Variants in PTPRE observed in about 807,000 individuals in gnomAD.
The protein encoded by PTPRE is protein tyrosine phosphatase receptor type E.
PTPRE carries 51 observed loss-of-function variants against 102.0 expected under a neutral mutation model. The observed-to-expected ratio is 0.50, with a 90% CI of 0.40 to 0.63. The LOEUF (loss-of-function observed/expected upper bound fraction) is 0.63. Ranked by LOEUF, PTPRE falls within the 30% of genes least tolerant of loss-of-function variation. The probability of loss-of-function intolerance (pLI) is 0.00; values close to 1 mark genes in which losing one functional copy is unlikely to be tolerated. For missense variants in PTPRE, 752 were observed against 915.1 expected (o/e 0.82, Z 2.30); for synonymous variants, 345 against 348.2 (o/e 0.99, Z 0.10).
At chr10:127,922,056 G>A (rs748068508) in intron 1 of PTPRE, among the ~76,000 whole-genome samples, 2 of 152,218 alleles carry the variant, frequency 1.3e-5, no homozygotes, top group Non-Finnish European at 2.9e-5. Context: ...AATTCATGAA[G>A]TCCAATTTTA....
intron 1 of PTPRE, 78 bp from the exon 2 acceptor site, chr10:127,982,196 C>G: frequency 1.1e-6 from 1 of 945,764 alleles, no homozygotes; most frequent in Non-Finnish European, 1.4e-6. Flanking sequence ...TAGTGCTGTA[C>G]AGAAGGAAAT....
At chr10:127,952,122 G>A (rs138373120) in intron 1 of PTPRE, among the ~76,000 whole-genome samples, 2 of 152,236 alleles carry the variant, frequency 1.3e-5, no homozygotes, top group African/African-American at 4.8e-5. Context: ...TCTAGCCTAT[G>A]TCACAATTGT....
At chr10:127,991,605 A>G (rs1243876986) in intron 2 of PTPRE, among the ~76,000 whole-genome samples, 1 of 152,212 alleles carries the variant, frequency 6.6e-6, no homozygotes, top group Non-Finnish European at 1.5e-5. Context: ...AATATTTTCC[A>G]AAGTTGTGCA....
rs552065118 is a variant in PTPRE at position 128,068,303 on chromosome 10, A to G, written c.1007+17A>G. ...CCACTGTAGGTACGCTGTGGGGGCC[A>G]CGGGGCGGGACCCTCAAGGGCAGGC... On this transcript the variant is annotated intron_variant, in intron 12 of 20. Coordinates refer to ENST00000254667, the MANE Select transcript of PTPRE (RefSeq NM_006504.6). The G allele has an allele frequency of 2.5e-6, 4 of 1,601,336 alleles. No homozygotes were observed. Among genetic ancestry groups the G allele is most frequent in the Non-Finnish European group, 3.4e-6 (4 of 1,171,782 alleles).
chr10:127,986,871 G>A (rs72847308), intron 2 of PTPRE, among the ~76,000 whole-genome samples: 13,746 of 152,280 alleles, frequency 0.09, 867 homozygotes, highest in Non-Finnish European at 0.13. Context: ...GAGAAGCCTG[G>A]TGGGCAGAGC....
intron 2 of PTPRE, among the ~76,000 whole-genome samples, chr10:127,990,320 G>T (rs1203966652): frequency 1.3e-5 from 2 of 148,544 alleles, no homozygotes; most frequent in Non-Finnish European, 3.0e-5. Context: ...GCAGAGGCAG[G>T]AGAATCACTT....
rs376545186 is a variant in PTPRE at position 128,076,746 on chromosome 10, C to T, written c.1725+18C>T. ...TCAATCAGGTATTGTTGAAGTAGCT[C>T]TTTAAACGCTTGTGAATTTAGTGAA... On this transcript the variant is annotated intron_variant, in intron 18 of 20. Coordinates refer to ENST00000254667, the MANE Select transcript of PTPRE (RefSeq NM_006504.6). 1 of 1,609,270 alleles carries T rather than the reference C, an allele frequency of 6.2e-7. No individual in the cohort carries two copies. The highest frequency in any genetic ancestry group is 1.3e-5 in the African/African-American group (1 of 74,616).
At chr10:127,972,536 G>A (rs1037310878) in intron 1 of PTPRE, among the ~76,000 whole-genome samples, 8 of 152,242 alleles carry the variant, frequency 5.3e-5, no homozygotes, top group East Asian at 1.9e-4. Context: ...ACCCCACGGT[G>A]CGAAGAGCAG....
Position 128,070,988 on chromosome 10 carries a change from C to T in PTPRE, c.1387+87C>T, listed in dbSNP as rs758503406. The T allele has an allele frequency of 1.5e-6, 2 of 1,317,158 alleles. No individual in the cohort carries two copies. The highest frequency in any genetic ancestry group is 2.1e-6 in the Non-Finnish European group (2 of 930,562). 81.6% of individuals were successfully genotyped at this position (1,317,158 alleles called of 1,614,324 possible). ...TCCTGGAGAAGCCATTGACCGCTTA[C>T]CCCTGTGCACCAGGGTCAAAAGCAG... On this transcript the variant is annotated intron_variant, in intron 15 of 20. Transcript: ENST00000254667. The surrounding 1 kb of genome is among the most constrained non-coding windows in gnomAD (Gnocchi z 4.8).
At position 128,028,654 on chromosome 10, in the gene PTPRE, C is replaced by A. The variant is rs1846461021; in HGVS notation, c.-7-12221C>A. Reference sequence around the variant, plus strand: ...CCCCACCCCCTCAGGCACAGCTGAGCAGCCCGCCGGGGCCCAGGGTTCCTT... The same window carrying A: ...CCCCACCCCCTCAGGCACAGCTGAGAAGCCCGCCGGGGCCCAGGGTTCCTT... On this transcript the variant is annotated intron_variant, in intron 2 of 20. Transcript: ENST00000254667. This position sits in a 1 kb window ranked among gnomAD's most constrained non-coding sequence, Gnocchi z 4.5. Among the ~76,000 whole-genome samples the A allele has an allele frequency of 6.6e-6, 1 of 152,122 alleles. No individual in the cohort carries two copies. The highest frequency in any genetic ancestry group is 2.1e-4 in the South Asian group (1 of 4,824).
rs1590063227 is a variant in PTPRE, at chr10:128,028,736, G to A, written c.-7-12139G>A. Among the ~76,000 whole-genome samples the A allele has an allele frequency of 2.0e-5, 3 of 152,278 alleles. No individual in the cohort carries two copies. Among genetic ancestry groups the A allele is most frequent in the African/African-American group, 7.2e-5 (3 of 41,548 alleles). ...ACACGAAGCCAAGGCCAGGAGTCGG[G>A]ATCTGCTCCCAGGAAGAAGCCTCCA... On this transcript the variant is annotated intron_variant, in intron 2 of 20. Coordinates refer to ENST00000254667, the MANE Select transcript of PTPRE (RefSeq NM_006504.6). The surrounding 1 kb of genome is among the most constrained non-coding windows in gnomAD (Gnocchi z 4.5).
At chr10:128,053,758 T>G (rs1367814839) in intron 6 of PTPRE, among the ~76,000 whole-genome samples, 1 of 149,736 alleles carries the variant, frequency 6.7e-6, no homozygotes, top group Admixed American at 6.6e-5. Context: ...TTTAATTTAT[T>G]TATTTATTTA....
chr10:128,019,495 T>C (rs532126219), intron 2 of PTPRE, among the ~76,000 whole-genome samples: 3 of 152,306 alleles, frequency 2.0e-5, no homozygotes, highest in South Asian at 4.1e-4. Flanking sequence ...TAGGCTTTTC[T>C]TGTTTCTCTA....
chr10:127,963,256 A>G (rs56153771), intron 1 of PTPRE, among the ~76,000 whole-genome samples: 34,469 of 151,942 alleles, frequency 0.23, 5,277 homozygotes, highest in African/African-American at 0.44. Context: ...ACCAGCAGAA[A>G]CATCTGGCAT....
chr10:127,969,204 C>T (rs911109361), intron 1 of PTPRE, among the ~76,000 whole-genome samples: 7 of 152,340 alleles, frequency 4.6e-5, no homozygotes, highest in Non-Finnish European at 8.8e-5. Flanking sequence ...TTTCTTTCAC[C>T]GTCTCTTTTT....
intron 2 of PTPRE, among the ~76,000 whole-genome samples, chr10:127,993,100 A>G (rs1446053495): frequency 6.6e-6 from 1 of 152,158 alleles, no homozygotes; most frequent in Non-Finnish European, 1.5e-5. Context: ...TTGAGGAAAT[A>G]GACTCACTGA....
intron 1 of PTPRE, among the ~76,000 whole-genome samples, chr10:127,966,740 C>T (rs1850283415): frequency 6.6e-6 from 1 of 152,118 alleles, no homozygotes. Context: ...GCTCTGATGG[C>T]AAGAGGTGCA....
rs201593412 is a variant in PTPRE at position 128,079,638 on chromosome 10, T to C, written c.1971T>C (p.Asp657=). The change falls in exon 20 of 21, where the codon GAT becomes GAC. Residue 657 remains aspartate, a synonymous_variant. Transcript: ENST00000254667. ...GAGTAAAAGCCGAGGGACTTTTAGA[T>C]GTATTTCAAGCTGTGAAGAGTTTAC... The part of the protein sequence containing the change: ...LERVKAEGLL[D]VFQAVKSLRL... 1.0e-4 allele frequency: 165 copies of C among 1,614,084 alleles called. 1 individual carries two copies. Among genetic ancestry groups the C allele is most frequent in the South Asian group, 6.1e-4 (56 of 91,082 alleles).
chr10:128,082,269 A>C (rs945503916), intron 20 of PTPRE, among the ~76,000 whole-genome samples: 1 of 122,666 alleles, frequency 8.2e-6, no homozygotes, highest in Admixed American at 1.1e-4. Flanking sequence ...GCAGTGGTGC[A>C]GTGGCACAAT....
Sources: allele counts gnomAD v4.1 joint callset (sites outside exome capture counted in the v4.1 genomes callset), GRCh38; gene constraint gnomAD v4.1.1; non-coding constraint Gnocchi (gnomAD v3.1); transcripts MANE v1.5; gene names NCBI Gene and HGNC (gene_info 2026-07-23, HGNC 2026-07-21).